Variants in MSRB3 observed in about 807,000 individuals in gnomAD.
MSRB3 encodes methionine-R-sulfoxide reductase B3.
MSRB3 carries 13 observed loss-of-function variants against 21.0 expected under a neutral mutation model. The ratio of observed to expected loss-of-function variants is 0.62; its 90% CI spans 0.40 to 0.98. The LOEUF (loss-of-function observed/expected upper bound fraction) is 0.98. Ranked by LOEUF, MSRB3 falls within the 50% of genes least tolerant of loss-of-function variation. The pLI, the probability that MSRB3 is intolerant of heterozygous loss-of-function variation, is 0.00. For synonymous variants in MSRB3, 87 were observed against 88.6 expected (o/e 0.98, Z 0.10); for missense variants, 199 against 230.3 (o/e 0.86, Z 0.88).
rs76644335 is a variant in MSRB3, at chr12:65,451,107, A to C, written c.293-2621A>C. On this transcript the variant is annotated intron_variant, in intron 5 of 6. Coordinates refer to ENST00000308259, the MANE Select transcript of MSRB3 (RefSeq NM_001031679.3). ...TCTCTTTTGAAATGCGTTCCACCAC[A>C]GTGAGTTACAGTCTCCAGCGTGGTT... is the stretch of plus-strand genomic sequence containing the variant. 4.8e-3 allele frequency among the ~76,000 whole-genome samples: 734 copies of C among 152,310 alleles called. 4 individuals are homozygous for C. The highest frequency in any genetic ancestry group is 7.7e-3 in the Non-Finnish European group (524 of 68,012).
chr12:65,460,205 T>A (rs1053702324), intron 6 of MSRB3, among the ~76,000 whole-genome samples: 2 of 152,194 alleles, frequency 1.3e-5, no homozygotes, highest in Non-Finnish European at 2.9e-5. Context: ...CCCCAACACA[T>A]TGCCAGTTGG....
intron 3 of MSRB3, 26 bp downstream of exon 3, chr12:65,326,960 A>G: frequency 6.4e-7 from 1 of 1,556,118 alleles, no homozygotes; most frequent in Non-Finnish European, 8.8e-7. Context: ...ATAAAAAGTC[A>G]TTAAGAGCTA....
intron 1 of MSRB3, among the ~76,000 whole-genome samples, chr12:65,304,120 A>T (rs1411818224): frequency 6.6e-6 from 1 of 152,176 alleles, no homozygotes; most frequent in Non-Finnish European, 1.5e-5. Flanking sequence ...GTTTTGTATG[A>T]TGAGAAACAT....
At chr12:65,292,426 C>T (rs571899179) in intron 1 of MSRB3, among the ~76,000 whole-genome samples, 4 of 151,518 alleles carry the variant, frequency 2.6e-5, no homozygotes, top group South Asian at 4.1e-4. Flanking sequence ...AGTTAACTAG[C>T]GTTGTCATTG....
chr12:65,360,391 C>T (rs1426408054), intron 4 of MSRB3, among the ~76,000 whole-genome samples: 1 of 151,912 alleles, frequency 6.6e-6, no homozygotes, highest in Non-Finnish European at 1.5e-5. Context: ...ACACAAGAAA[C>T]AATTACATTA....
chr12:65,382,689 A>G (rs1565865661), intron 5 of MSRB3, among the ~76,000 whole-genome samples: 1 of 151,452 alleles, frequency 6.6e-6, no homozygotes, highest in Non-Finnish European at 1.5e-5. Context: ...GATTTATTAG[A>G]TTTGTTGGGG....
In MSRB3 at chr12:65,357,934, CT is replaced by C. The variant is rs553291269; in HGVS notation, c.264-11058del. ...GTTAGGTTTCTTCACTGTAAACATACTTTTTTCCCCTCCTTTTCCTAGTGTA... is the reference window on the plus strand; with the variant it reads ...GTTAGGTTTCTTCACTGTAAACATACTTTTTCCCCTCCTTTTCCTAGTGTA... On this transcript the variant is annotated intron_variant, in intron 4 of 6. Transcript: ENST00000308259. Among the ~76,000 whole-genome samples the C allele has an allele frequency of 6.6e-5, 10 of 151,962 alleles. No homozygotes were observed. In the South Asian group the frequency reaches 2.1e-3, roughly 32 times the overall value.
chr12:65,355,223 T>G (rs1429756517), intron 4 of MSRB3, among the ~76,000 whole-genome samples: 1 of 151,656 alleles, frequency 6.6e-6, no homozygotes, highest in East Asian at 1.9e-4. Flanking sequence ...CAGTATTCCG[T>G]TTTTTGGATT....
chr12:65,443,505 TGA>T (rs1882477972), intron 5 of MSRB3, among the ~76,000 whole-genome samples: 1 of 152,168 alleles, frequency 6.6e-6, no homozygotes, highest in Non-Finnish European at 1.5e-5. Flanking sequence ...CTTGACCCAG[TGA>T]TAGCCATATT....
chr12:65,414,030 A>AG (rs1331229342), intron 5 of MSRB3, among the ~76,000 whole-genome samples: 2 of 152,114 alleles, frequency 1.3e-5, no homozygotes, highest in African/African-American at 4.8e-5. Context: ...AGGGAGGTGG[A>AG]GGAGGGTAGC....
chr12:65,448,027 T>G (rs990923124), intron 5 of MSRB3, among the ~76,000 whole-genome samples: 2 of 152,166 alleles, frequency 1.3e-5, no homozygotes, highest in Non-Finnish European at 2.9e-5. Context: ...TAGGATTACT[T>G]GTTGCAGTAA....
chr12:65,291,723 G>C (rs1462149264), intron 1 of MSRB3, among the ~76,000 whole-genome samples: 1 of 152,166 alleles, frequency 6.6e-6, no homozygotes, highest in Non-Finnish European at 1.5e-5. Flanking sequence ...GCATGTTGTA[G>C]AAAGAGTAAG....
chr12:65,452,119 C>T (rs1882884385), intron 5 of MSRB3, among the ~76,000 whole-genome samples: 1 of 152,106 alleles, frequency 6.6e-6, no homozygotes, highest in African/African-American at 2.4e-5. Flanking sequence ...CTATGTGGTG[C>T]TGGGGTAAGG....
intron 2 of MSRB3, among the ~76,000 whole-genome samples, chr12:65,314,854 G>A (rs1874193552): frequency 6.6e-6 from 1 of 152,144 alleles, no homozygotes; most frequent in African/African-American, 2.4e-5. Context: ...TAATTCTACA[G>A]GGTTAGAATA....
intron 5 of MSRB3, among the ~76,000 whole-genome samples, chr12:65,438,508 G>A (rs951591666): frequency 5.3e-5 from 8 of 151,680 alleles, no homozygotes; most frequent in South Asian, 2.1e-4. Context: ...TGATACTCCC[G>A]AACTTTAAGG....
chr12:65,390,683 C>A (rs1879434242), intron 5 of MSRB3, among the ~76,000 whole-genome samples: 1 of 151,994 alleles, frequency 6.6e-6, no homozygotes, highest in African/African-American at 2.4e-5. Context: ...GTTCATAGAA[C>A]ATTATTTATT....
Position 65,296,879 on chromosome 12 carries a change from T to A in MSRB3, c.-51-11650T>A, listed in dbSNP as rs1190163546. Among the ~76,000 whole-genome samples, 65 of 152,284 alleles carry A rather than the reference T, an allele frequency of 4.3e-4. No individual in the cohort carries two copies. The East Asian group carries it at 0.012, about 27-fold the overall frequency. ...GTGGAGGAAGAACTGATTAATTTTCTCATGGAAGTGATAGGGAGAAGGAAG... is the reference window on the plus strand; with the variant it reads ...GTGGAGGAAGAACTGATTAATTTTCACATGGAAGTGATAGGGAGAAGGAAG... On this transcript the variant is annotated intron_variant, in intron 1 of 6. Transcript: ENST00000308259.
At chr12:65,330,007 T>A (rs765770158) in intron 4 of MSRB3, among the ~76,000 whole-genome samples, 3 of 152,224 alleles carry the variant, frequency 2.0e-5, no homozygotes, top group Non-Finnish European at 4.4e-5. Context: ...ACCTTTAGCT[T>A]ATGTCATAAT....
chr12:65,330,311 A>T (rs1242370177), intron 4 of MSRB3, among the ~76,000 whole-genome samples: 1 of 152,220 alleles, frequency 6.6e-6, no homozygotes, highest in African/African-American at 2.4e-5. Flanking sequence ...ATTTGATGTG[A>T]TATTGCCTCT....
Sources: gnomAD v4.1 joint callset for allele counts (sites outside exome capture counted in the v4.1 genomes callset) on GRCh38, gnomAD v4.1.1 for gene constraint, MANE v1.5 for transcripts, NCBI Gene and HGNC (gene_info 2026-07-23, HGNC 2026-07-21) for gene names.